SPIN1: variants seen among roughly 807,000 people sequenced by gnomAD.
The protein encoded by SPIN1 is spindlin-1.
Under a neutral mutation model 26.0 loss-of-function variants are expected in SPIN1, and 3 were observed. The ratio of observed to expected loss-of-function variants is 0.12; its 90% confidence interval spans 0.05 to 0.30. The LOEUF (loss-of-function observed/expected upper bound fraction) is 0.30. SPIN1 is among the 10% of genes least tolerant of loss of function. SPIN1 has a pLI of 1.00. For synonymous variants in SPIN1, 101 were observed against 116.5 expected (o/e 0.87, Z 0.86); for missense variants, 126 against 333.4 (o/e 0.38, Z 4.84).
chr9:88,405,534 T>C (rs988947088), intron 1 of SPIN1, among the ~76,000 whole-genome samples: 2 of 135,964 alleles, frequency 1.5e-5, no homozygotes, highest in Non-Finnish European at 3.1e-5. Context: ...GCCTGTACTA[T>C]CCTTTTTTTT....
chr9:88,402,000 T>C (rs1453993013), intron 1 of SPIN1, among the ~76,000 whole-genome samples: 1 of 152,160 alleles, frequency 6.6e-6, no homozygotes, highest in African/African-American at 2.4e-5. Flanking sequence ...ATTTTATCTT[T>C]TTGTTTTTGA....
intron 5 of SPIN1, among the ~76,000 whole-genome samples, chr9:88,469,310 G>A (rs777642612): frequency 4.9e-4 from 74 of 152,184 alleles, no homozygotes; most frequent in Admixed American, 6.5e-4. Flanking sequence ...GCTGTGCGGC[G>A]TGGCCCCAGG....
chr9:88,414,938 G>T (rs1354681708), intron 1 of SPIN1, among the ~76,000 whole-genome samples: 3 of 152,198 alleles, frequency 2.0e-5, no homozygotes, highest in East Asian at 3.9e-4. Context: ...GAGTCTCGCT[G>T]TGTCACCCAT....
At chr9:88,389,040 G>C (rs1826856665) in intron 1 of SPIN1, among the ~76,000 whole-genome samples, 1 of 151,738 alleles carries the variant, frequency 6.6e-6, no homozygotes, top group Non-Finnish European at 1.5e-5. Context: ...CCGGCGCGAC[G>C]GGTCGGGTCA....
intron 1 of SPIN1, among the ~76,000 whole-genome samples, chr9:88,393,621 A>T (rs953536742): frequency 4.6e-5 from 7 of 151,198 alleles, no homozygotes; most frequent in African/African-American, 1.7e-4. Context: ...ACACCTAGCT[A>T]ATTTTTGTAT....
chr9:88,424,443 T>A (rs73500228), intron 1 of SPIN1, among the ~76,000 whole-genome samples: 2,266 of 152,216 alleles, frequency 0.015, 64 homozygotes, highest in African/African-American at 0.053. Context: ...GGTTTTGCCA[T>A]ACAACAGTGA....
chr9:88,464,664 C>G (rs1398831452), intron 4 of SPIN1, among the ~76,000 whole-genome samples: 18 of 152,280 alleles, frequency 1.2e-4, no homozygotes, highest in Non-Finnish European at 1.5e-5. Context: ...TTAGTGAACA[C>G]AATATTTTCT....
chr9:88,412,214 A>G (rs936752235), intron 1 of SPIN1, among the ~76,000 whole-genome samples: 1 of 152,012 alleles, frequency 6.6e-6, no homozygotes, highest in African/African-American at 2.4e-5. Flanking sequence ...CCTTAACACA[A>G]TTCCAGTAGT....
At chr9:88,414,325 G>T (rs1209083107) in intron 1 of SPIN1, among the ~76,000 whole-genome samples, 2 of 152,140 alleles carry the variant, frequency 1.3e-5, no homozygotes, top group Non-Finnish European at 2.9e-5. Flanking sequence ...TGGTCTTTCT[G>T]GTTTGGCCAG....
chr9:88,404,085 G>A (rs1827245113), intron 1 of SPIN1, among the ~76,000 whole-genome samples: 1 of 152,126 alleles, frequency 6.6e-6, no homozygotes, highest in South Asian at 2.1e-4. Flanking sequence ...GAACACAATG[G>A]TAAGTAATTA....
At chr9:88,423,384 C>T (rs1827707413) in intron 1 of SPIN1, among the ~76,000 whole-genome samples, 1 of 152,024 alleles carries the variant, frequency 6.6e-6, no homozygotes, top group Non-Finnish European at 1.5e-5. Context: ...GGAGTGGAGT[C>T]ATGGGATGTT....
chr9:88,434,418 ATTAGT>A (rs956960722), intron 2 of SPIN1, among the ~76,000 whole-genome samples: 5 of 130,004 alleles, frequency 3.8e-5, no homozygotes, highest in East Asian at 2.0e-4. Context: ...CATTTTATAA[ATTAGT>A]TTATTTTATA....
At chr9:88,409,238 G>T (rs532491695) in intron 1 of SPIN1, among the ~76,000 whole-genome samples, 2 of 150,524 alleles carry the variant, frequency 1.3e-5, no homozygotes, top group Non-Finnish European at 3.0e-5. Flanking sequence ...CAGGTGATCT[G>T]CCCGCCTCGG....
At chr9:88,423,050 T>C (rs1827701689) in intron 1 of SPIN1, among the ~76,000 whole-genome samples, 1 of 152,210 alleles carries the variant, frequency 6.6e-6, no homozygotes. Context: ...TCTAATATTA[T>C]TCAAATAGCC....
intron 3 of SPIN1, chr9:88,458,072 A>G (rs1018528355): frequency 1.2e-6 from 1 of 822,080 alleles, no homozygotes; most frequent in African/African-American, 1.9e-5. Flanking sequence ...AGATTTTAAT[A>G]GAAAAATGAA....
At chr9:88,444,236 ATTTTTTTTTTTTTT>A (rs745590731) in intron 2 of SPIN1, among the ~76,000 whole-genome samples, 1 of 102,430 alleles carries the variant, frequency 9.8e-6, no homozygotes, top group Non-Finnish European at 1.9e-5. Context: ...TCTTGTTCCC[ATTTTTTTTTTTTTT>A]TTTTTTTTGA....
intron 2 of SPIN1, among the ~76,000 whole-genome samples, chr9:88,444,309 C>G (rs959448980): frequency 7.0e-6 from 1 of 142,514 alleles, no homozygotes. Flanking sequence ...GGCGGGATCG[C>G]GGCTCACTGC....
At chr9:88,408,428 A>C (rs1426589719) in intron 1 of SPIN1, among the ~76,000 whole-genome samples, 2 of 136,128 alleles carry the variant, frequency 1.5e-5, no homozygotes, top group South Asian at 2.3e-4. Flanking sequence ...CCCAGGCTGC[A>C]GTGCAGTGGT....
chr9:88,392,115 T>TA (rs1826935955), intron 1 of SPIN1, among the ~76,000 whole-genome samples: 1 of 152,202 alleles, frequency 6.6e-6, no homozygotes, highest in Non-Finnish European at 1.5e-5. Flanking sequence ...GTTCCTGAAA[T>TA]ACAGCAGCTG....
Sources: allele counts gnomAD v4.1 joint callset (sites outside exome capture counted in the v4.1 genomes callset), GRCh38; gene constraint gnomAD v4.1.1; transcripts MANE v1.5; gene names NCBI Gene and HGNC (gene_info 2026-07-23, HGNC 2026-07-21).